OPCML: variants seen among roughly 807,000 people sequenced by gnomAD.
OPCML encodes opioid binding protein/cell adhesion molecule like, also known as opioid-binding protein/cell adhesion molecule.
A neutral mutation model predicts 37.8 loss-of-function variants in OPCML; 13 were observed. That is an observed-to-expected ratio of 0.34 (90% confidence interval 0.22 to 0.55). OPCML has a LOEUF of 0.55. OPCML is among the 20% of genes least tolerant of loss of function. The pLI is 0.91. For synonymous variants in OPCML, 176 were observed against 168.8 expected (o/e 1.04, Z -0.33); for missense variants, 341 against 435.6 (o/e 0.78, Z 1.93).
chr11:132,851,658 C>T (rs1941813530), intron 2 of OPCML, among the ~76,000 whole-genome samples: 1 of 152,156 alleles, frequency 6.6e-6, no homozygotes, highest in South Asian at 2.1e-4. Flanking sequence ...AATCCAAGCA[C>T]TCAGCTAAGC....
intron 3 of OPCML, among the ~76,000 whole-genome samples, chr11:132,543,529 T>A (rs561007496): frequency 5.9e-5 from 9 of 151,656 alleles, no homozygotes; most frequent in East Asian, 3.9e-4. Flanking sequence ...AGAAAAAAAA[T>A]TAAACAAAAA....
intron 1 of OPCML, among the ~76,000 whole-genome samples, chr11:133,334,827 A>G (rs1218960087): frequency 6.6e-6 from 1 of 151,916 alleles, no homozygotes; most frequent in Non-Finnish European, 1.5e-5. Flanking sequence ...TCCATGGGAG[A>G]GGGTTTGTAG....
intron 3 of OPCML, among the ~76,000 whole-genome samples, chr11:132,612,801 G>A (rs1191140374): frequency 6.6e-6 from 1 of 152,178 alleles, no homozygotes; most frequent in Non-Finnish European, 1.5e-5. Flanking sequence ...GCCTAGTGAA[G>A]CCTTGGTAGA....
At chr11:133,288,408 A>G (rs1302892683) in intron 1 of OPCML, among the ~76,000 whole-genome samples, 1 of 152,204 alleles carries the variant, frequency 6.6e-6, no homozygotes, top group East Asian at 1.9e-4. Flanking sequence ...TTAAGCTACC[A>G]GGCCCACTGT....
intron 2 of OPCML, among the ~76,000 whole-genome samples, chr11:132,745,581 A>AG (rs1332274543): frequency 1.0e-5 from 1 of 97,098 alleles, no homozygotes; most frequent in Non-Finnish European, 2.2e-5. Flanking sequence ...AAAAAAAAAA[A>AG]AAGAAAGAAA....
chr11:132,706,055 C>T (rs1211006895), intron 2 of OPCML, among the ~76,000 whole-genome samples: 1 of 152,124 alleles, frequency 6.6e-6, no homozygotes, highest in African/African-American at 2.4e-5. Flanking sequence ...ATCCACACAC[C>T]TCGGCCTCCC....
chr11:132,573,697 C>T (rs545071306), intron 3 of OPCML, among the ~76,000 whole-genome samples: 3 of 151,794 alleles, frequency 2.0e-5, no homozygotes, highest in Non-Finnish European at 2.9e-5. Context: ...GTTTTCTTTT[C>T]CTGTGGTGTT....
chr11:133,524,100 C>G (rs77516434), intron 1 of OPCML, among the ~76,000 whole-genome samples: 4,785 of 152,296 alleles, frequency 0.031, 96 homozygotes, highest in South Asian at 0.061. Context: ...CAATGCCTAG[C>G]ATAGTATTTG....
At chr11:132,856,113 T>C (rs1398573629) in intron 2 of OPCML, among the ~76,000 whole-genome samples, 5 of 152,214 alleles carry the variant, frequency 3.3e-5, no homozygotes, top group Non-Finnish European at 7.3e-5. Context: ...TTTGAGCTAA[T>C]AGTCATGTCC....
intron 1 of OPCML, among the ~76,000 whole-genome samples, chr11:133,153,314 G>A (rs574966868): frequency 1.3e-5 from 2 of 152,278 alleles, no homozygotes; most frequent in East Asian, 3.9e-4. Flanking sequence ...TGAAACCAGC[G>A]CAGGAGTCAC....
intron 4 of OPCML, among the ~76,000 whole-genome samples, chr11:132,448,705 A>G (rs1449194008): frequency 2.6e-5 from 4 of 152,188 alleles, no homozygotes; most frequent in Admixed American, 6.5e-5. Flanking sequence ...TAGCCTAGTC[A>G]CCCAAGAAGT....
intron 2 of OPCML, among the ~76,000 whole-genome samples, chr11:132,668,600 A>G (rs1248527296): frequency 2.0e-5 from 3 of 152,214 alleles, no homozygotes; most frequent in Admixed American, 2.0e-4. Context: ...CTGGACAAAT[A>G]TAATTCAAGC....
At chr11:132,724,591 A>G (rs1591520255) in intron 2 of OPCML, among the ~76,000 whole-genome samples, 1 of 152,162 alleles carries the variant, frequency 6.6e-6, no homozygotes, top group East Asian at 1.9e-4. Context: ...CACATTTCAA[A>G]ACCAATCATG....
chr11:132,764,301 T>C (rs528611651), intron 2 of OPCML, among the ~76,000 whole-genome samples: 3 of 152,260 alleles, frequency 2.0e-5, no homozygotes, highest in African/African-American at 7.2e-5. Flanking sequence ...CACCCCACCA[T>C]TGCTGCTCAC....
chr11:132,948,922 T>A (rs1945802145), intron 1 of OPCML, among the ~76,000 whole-genome samples: 1 of 152,058 alleles, frequency 6.6e-6, no homozygotes, highest in Admixed American at 6.5e-5. Flanking sequence ...TAACAGAAAA[T>A]GCAAAGTTGT....
chr11:133,339,093 G>T (rs1196170042), intron 1 of OPCML, among the ~76,000 whole-genome samples: 1 of 151,944 alleles, frequency 6.6e-6, no homozygotes, highest in Non-Finnish European at 1.5e-5. Flanking sequence ...TCCTACTCCC[G>T]CATTAAGCTA....
intron 1 of OPCML, among the ~76,000 whole-genome samples, chr11:133,204,058 C>CAAAAAAAAAAAAAAAAA (rs58343203): frequency 3.0e-5 from 2 of 66,496 alleles, no homozygotes; most frequent in Non-Finnish European, 5.5e-5. Context: ...GACTCTGTCT[C>CAAAAAAAAAAAAAAAAA]AAAAAAAAAA....
rs1407131137 is a variant in OPCML at position 132,942,921 on chromosome 11, C to T, written c.146+5G>A. The T allele has an allele frequency of 5.0e-6, 8 of 1,613,956 alleles. No homozygotes were observed. The highest frequency in any genetic ancestry group is 6.8e-6 in the Non-Finnish European group (8 of 1,179,906). ...CTCGGCCCCCGCGGAAGGACAGCTC[C>T]CTACCTGAGGGTGGCGCTCTCCCCC... On this transcript the variant is annotated splice_donor_5th_base_variant and intron_variant, in intron 2 of 7. Coordinates refer to ENST00000524381, the MANE Select transcript of OPCML (RefSeq NM_001012393.5).
chr11:132,441,859 G>C (rs970025598), intron 4 of OPCML, among the ~76,000 whole-genome samples: 2 of 152,186 alleles, frequency 1.3e-5, no homozygotes, highest in African/African-American at 4.8e-5. Context: ...AGAAGCCTCA[G>C]GGTTCTGTGG....
Sources: gnomAD v4.1 joint callset for allele counts (sites outside exome capture counted in the v4.1 genomes callset) on GRCh38, gnomAD v4.1.1 for gene constraint, MANE v1.5 for transcripts, NCBI Gene and HGNC (gene_info 2026-07-23, HGNC 2026-07-21) for gene names.